Variants in CRIM1 observed in about 807,000 individuals in gnomAD.
The protein encoded by CRIM1 is cysteine-rich motor neuron 1 protein.
A neutral mutation model predicts 116.4 loss-of-function variants in CRIM1; 32 were observed. The observed-to-expected ratio is 0.27, with a 90% CI of 0.21 to 0.37. The LOEUF (loss-of-function observed/expected upper bound fraction) is 0.37. Ranked by LOEUF, CRIM1 falls within the 10% of genes least tolerant of loss-of-function variation. CRIM1 has a pLI of 1.00. For missense variants in CRIM1, 1,331 were observed against 1,354.8 expected, an observed-to-expected ratio of 0.98 and a Z score of 0.28; for synonymous variants, 590 against 509.2, an observed-to-expected ratio of 1.16 and a Z score of -2.13.
intron 13 of CRIM1, among the ~76,000 whole-genome samples, chr2:36,530,723 A>C (rs773008103): frequency 6.6e-6 from 1 of 152,192 alleles, no homozygotes; most frequent in African/African-American, 2.4e-5. Flanking sequence ...CATAGTATAC[A>C]TGGGCCCTTT....
chr2:36,370,881 C>T (rs1328138062), intron 1 of CRIM1, among the ~76,000 whole-genome samples: 2 of 152,170 alleles, frequency 1.3e-5, no homozygotes, highest in Admixed American at 1.3e-4. Flanking sequence ...AGGACCTTAG[C>T]AGTCTGCATG....
intron 7 of CRIM1, among the ~76,000 whole-genome samples, chr2:36,487,890 G>A (rs756526025): frequency 4.6e-5 from 7 of 152,010 alleles, no homozygotes; most frequent in African/African-American, 9.7e-5. Context: ...GTATTACAAC[G>A]TTTTTCTGAA....
intron 6 of CRIM1, 64 bp from the exon 7 acceptor site, chr2:36,479,433 G>A: frequency 1.3e-6 from 2 of 1,509,370 alleles, no homozygotes; most frequent in Non-Finnish European, 9.2e-7. Context: ...AATGTCTCTG[G>A]GTACTGACAG....
Position 36,356,690 on chromosome 2 carries a change from G to C in CRIM1, c.331+67G>C, listed in dbSNP as rs1558492503. ...CCGCCCCCTCGGCGCTGGTTGTGCC[G>C]AACAAAGTTTGGGCGAGACTTTCTG... On this transcript the variant is annotated intron_variant, in intron 1 of 16. Coordinates refer to ENST00000280527, the MANE Select transcript of CRIM1 (RefSeq NM_016441.3). This position sits in a 1 kb window ranked among gnomAD's most constrained non-coding sequence, Gnocchi z 4.3. 3 of 1,484,586 alleles carry C rather than the reference G, an allele frequency of 2.0e-6. No individual in the cohort carries two copies. In the East Asian group the frequency reaches 6.9e-5, roughly 34 times the overall value. 92.0% of individuals were successfully genotyped at this position (1,484,586 alleles called of 1,614,324 possible). A position where few individuals can be genotyped will look rare whatever the true frequency, so the allele number is the denominator to read the frequency against.
intron 5 of CRIM1, among the ~76,000 whole-genome samples, chr2:36,473,508 G>T (rs1326844513): frequency 6.6e-6 from 1 of 152,146 alleles, no homozygotes; most frequent in Non-Finnish European, 1.5e-5. Context: ...ACTGATTGCA[G>T]TCACTGCCCA....
chr2:36,501,392 C>T (rs916834530), intron 8 of CRIM1, among the ~76,000 whole-genome samples: 5 of 152,174 alleles, frequency 3.3e-5, no homozygotes, highest in Non-Finnish European at 7.4e-5. Context: ...ATCACACTAT[C>T]TACAGTGGCG....
At chr2:36,465,033 T>C (rs560066578) in intron 5 of CRIM1, among the ~76,000 whole-genome samples, 1 of 152,312 alleles carries the variant, frequency 6.6e-6, no homozygotes, top group African/African-American at 2.4e-5. Flanking sequence ...TAAAACTGCA[T>C]TGGGCCTGCC....
intron 8 of CRIM1, among the ~76,000 whole-genome samples, chr2:36,503,984 C>G (rs1160822763): frequency 2.0e-5 from 3 of 152,092 alleles, no homozygotes; most frequent in Non-Finnish European, 4.4e-5. Flanking sequence ...GATCCTCCCA[C>G]CTGAGCCTCC....
At chr2:36,521,624 G>C (rs775843188) in intron 12 of CRIM1, among the ~76,000 whole-genome samples, 2 of 152,178 alleles carry the variant, frequency 1.3e-5, no homozygotes, top group Non-Finnish European at 2.9e-5. Context: ...GGAATAATGT[G>C]GAAGGATGAT....
intron 5 of CRIM1, among the ~76,000 whole-genome samples, chr2:36,471,619 T>C (rs1291740048): frequency 6.6e-6 from 1 of 152,130 alleles, no homozygotes; most frequent in Non-Finnish European, 1.5e-5. Flanking sequence ...TAATAGACTA[T>C]AGCAGGGGTG....
chr2:36,493,917 A>G, intron 7 of CRIM1, among the ~76,000 whole-genome samples: 1 of 152,186 alleles, frequency 6.6e-6, no homozygotes, highest in Non-Finnish European at 1.5e-5. Flanking sequence ...GTTCTCCCAG[A>G]GTTGTTGAAC....
At chr2:36,538,434 C>T (rs1304638143) in intron 14 of CRIM1, among the ~76,000 whole-genome samples, 1 of 152,152 alleles carries the variant, frequency 6.6e-6, no homozygotes, top group Non-Finnish European at 1.5e-5. Context: ...AGGAGCTTTT[C>T]TGTCTTACCT....
rs1454538428 is a variant in CRIM1 at position 36,531,718 on chromosome 2, G to A, written c.2429-5634G>A. 9.9e-5 allele frequency: 32 copies of A among 322,036 alleles called. No individual in the cohort carries two copies. In the Admixed American group the frequency reaches 1.0e-3, roughly 10 times the overall value. The allele number at this position is 322,036 out of a possible 1,614,324, so 19.9% of individuals were successfully genotyped here. The stretch of plus-strand genomic sequence containing the variant: ...GGAATTAACATTTCAAGGCCTTGCC[G>A]CTTCTTCCTCCTCTTGTGATATGAA... On this transcript the variant is annotated intron_variant, in intron 13 of 16. Transcript: ENST00000280527.
intron 7 of CRIM1, among the ~76,000 whole-genome samples, chr2:36,490,475 C>T (rs1301889879): frequency 3.3e-5 from 5 of 152,026 alleles, no homozygotes; most frequent in South Asian, 2.1e-4. Flanking sequence ...TGTGAGAAGA[C>T]GGGATGAGAA....
chr2:36,464,874 T>A (rs558906437), intron 5 of CRIM1, among the ~76,000 whole-genome samples: 4 of 152,310 alleles, frequency 2.6e-5, no homozygotes, highest in Non-Finnish European at 5.9e-5. Flanking sequence ...TCTGGAAATG[T>A]AATAGCAGAT....
chr2:36,442,291 T>C (rs533509802), intron 3 of CRIM1, among the ~76,000 whole-genome samples: 3 of 152,040 alleles, frequency 2.0e-5, no homozygotes, highest in African/African-American at 7.3e-5. Flanking sequence ...AGCAAAGTGA[T>C]CCTTTGTCCG....
At chr2:36,544,150 A>C (rs1667148015) in intron 14 of CRIM1, among the ~76,000 whole-genome samples, 1 of 152,200 alleles carries the variant, frequency 6.6e-6, no homozygotes, top group Admixed American at 6.6e-5. Context: ...ACCCTGGTGG[A>C]GTAGAGAATT....
At chr2:36,538,635 C>T (rs897704205) in intron 14 of CRIM1, among the ~76,000 whole-genome samples, 7 of 152,218 alleles carry the variant, frequency 4.6e-5, no homozygotes, top group African/African-American at 1.4e-4. Flanking sequence ...GCAGACTAGC[C>T]CCAATTGAGC....
rs1466310521 is a variant in CRIM1 at position 36,548,874 on chromosome 2, T to G, written c.*173T>G. On this transcript the variant is annotated 3_prime_UTR_variant, in exon 17 of 17. Coordinates refer to ENST00000280527, the MANE Select transcript of CRIM1 (RefSeq NM_016441.3). ...TCTACAGCAATGTGCAGAACAAGCATTCCCACTTTTCCTCAAGATAACTGA... is the reference window on the plus strand; with the variant it reads ...TCTACAGCAATGTGCAGAACAAGCAGTCCCACTTTTCCTCAAGATAACTGA... 2.3e-6 allele frequency: 1 copy of G among 426,378 alleles called. No homozygotes were observed. The highest frequency in any genetic ancestry group is 4.2e-5 in the Admixed American group (1 of 23,642). 26.4% of individuals were successfully genotyped at this position (426,378 alleles called of 1,614,324 possible). A position where few individuals can be genotyped will look rare whatever the true frequency, so the allele number is the denominator to read the frequency against.
Sources: allele counts gnomAD v4.1 joint callset (sites outside exome capture counted in the v4.1 genomes callset), GRCh38; gene constraint gnomAD v4.1.1; non-coding constraint Gnocchi (gnomAD v3.1); transcripts MANE v1.5; gene names NCBI Gene and HGNC (gene_info 2026-07-23, HGNC 2026-07-21).